The following TRIP12 variants were observed in gnomAD, a reference collection of about 807,000 sequenced individuals.
The protein encoded by TRIP12 is E3 ubiquitin-protein ligase TRIP12.
Under a neutral mutation model 244.2 loss-of-function variants are expected in TRIP12, and 25 were observed. That is an observed-to-expected ratio of 0.10 (90% CI 0.07 to 0.14). The LOEUF (loss-of-function observed/expected upper bound fraction) is 0.14. Among genes scored for constraint, TRIP12 ranks in the 10% least tolerant of loss-of-function variants. The probability of loss-of-function intolerance (pLI) is 1.00; values close to 1 mark genes in which losing one functional copy is unlikely to be tolerated. For missense variants in TRIP12, 1,677 were observed against 2,486.4 expected (o/e 0.67, Z 6.92); for synonymous variants, 905 against 873.1 (o/e 1.04, Z -0.64).
At chr2:229,920,620 C>CT (rs759431744) in intron 1 of TRIP12, among the ~76,000 whole-genome samples, 1 of 152,186 alleles carries the variant, frequency 6.6e-6, no homozygotes, top group Non-Finnish European at 1.5e-5. Context: ...CAACATTTGT[C>CT]TTAAGGGTTT....
chr2:229,787,002 G>A (rs1288848568), intron 33 of TRIP12, among the ~76,000 whole-genome samples: 1 of 152,192 alleles, frequency 6.6e-6, no homozygotes. Context: ...CAAATGTGGA[G>A]CCAAGATTAG....
At chr2:229,920,133 A>G (rs1307545554) in intron 1 of TRIP12, among the ~76,000 whole-genome samples, 1 of 152,058 alleles carries the variant, frequency 6.6e-6, no homozygotes, top group African/African-American at 2.4e-5. Context: ...TTCTAACACA[A>G]CTAGGACCTT....
chr2:229,822,359 G>C (rs190485347), intron 8 of TRIP12, among the ~76,000 whole-genome samples: 1 of 152,158 alleles, frequency 6.6e-6, no homozygotes, highest in Non-Finnish European at 1.5e-5. Context: ...CAAGATACTT[G>C]CCACATTTTG....
At chr2:229,871,808 C>T (rs1396797445) in intron 2 of TRIP12, among the ~76,000 whole-genome samples, 1 of 151,886 alleles carries the variant, frequency 6.6e-6, no homozygotes, top group Non-Finnish European at 1.5e-5. Flanking sequence ...TAATTATATG[C>T]AAATGAAAGT....
chr2:229,881,884 T>C (rs2154355090), intron 1 of TRIP12, among the ~76,000 whole-genome samples: 1 of 152,352 alleles, frequency 6.6e-6, no homozygotes. Flanking sequence ...GAGAAAGGAC[T>C]GGGGGATCCA....
At chr2:229,872,766 G>A (rs1223237858) in intron 2 of TRIP12, among the ~76,000 whole-genome samples, 1 of 152,124 alleles carries the variant, frequency 6.6e-6, no homozygotes, top group Non-Finnish European at 1.5e-5. Context: ...AAACTCTTAA[G>A]TATCCCTATA....
intron 1 of TRIP12, among the ~76,000 whole-genome samples, chr2:229,897,638 C>T (rs766100591): frequency 1.3e-5 from 2 of 152,244 alleles, no homozygotes; most frequent in Non-Finnish European, 2.9e-5. Context: ...CAGAGTGAGA[C>T]TCCGTCTCTA....
At chr2:229,850,707 G>A (rs2058493497) in intron 4 of TRIP12, among the ~76,000 whole-genome samples, 1 of 152,222 alleles carries the variant, frequency 6.6e-6, no homozygotes, top group Non-Finnish European at 1.5e-5. Context: ...AGCTTGCAGG[G>A]AGGTGTGGAG....
chr2:229,881,958 T>C (rs2064977776), intron 1 of TRIP12, among the ~76,000 whole-genome samples: 1 of 152,202 alleles, frequency 6.6e-6, no homozygotes, highest in South Asian at 2.1e-4. Flanking sequence ...TATAAGGAAT[T>C]AAACAGGCTG....
chr2:229,820,307 T>A (rs1340614521), intron 8 of TRIP12, among the ~76,000 whole-genome samples: 2 of 151,908 alleles, frequency 1.3e-5, no homozygotes, highest in African/African-American at 2.4e-5. Flanking sequence ...ATCAAAATTA[T>A]CATCAATACC....
At chr2:229,815,667 A>G (rs1408061949) in intron 9 of TRIP12, among the ~76,000 whole-genome samples, 2 of 152,034 alleles carry the variant, frequency 1.3e-5, no homozygotes, top group East Asian at 3.9e-4. Flanking sequence ...AATACTAGAT[A>G]CATAAATAAA....
intron 22 of TRIP12, 69 bp from the exon 23 acceptor site, chr2:229,799,118 A>T (rs1384327274): frequency 6.3e-7 from 1 of 1,579,870 alleles, no homozygotes. Context: ...CTGATTTTTA[A>T]GATTCACAGT....
chr2:229,806,819 A>G (rs1186681445), intron 17 of TRIP12, among the ~76,000 whole-genome samples: 1 of 152,198 alleles, frequency 6.6e-6, no homozygotes, highest in Admixed American at 6.5e-5. Flanking sequence ...AACGAACTAG[A>G]AGGCACCTTT....
intron 6 of TRIP12, among the ~76,000 whole-genome samples, chr2:229,834,553 A>G (rs1026001788): frequency 6.6e-6 from 1 of 152,172 alleles, no homozygotes; most frequent in African/African-American, 2.4e-5. Flanking sequence ...TGAGGTCAGG[A>G]GTTGGACAGC....
chr2:229,886,863 G>A (rs567411932), intron 1 of TRIP12, among the ~76,000 whole-genome samples: 6 of 152,262 alleles, frequency 3.9e-5, no homozygotes, highest in East Asian at 1.9e-4. Context: ...TATGGGTTAC[G>A]TGTATTCTGT....
At chr2:229,865,346 AAGAAAG>A (rs2061350626) in intron 2 of TRIP12, among the ~76,000 whole-genome samples, 8 of 33,642 alleles carry the variant, frequency 2.4e-4, no homozygotes, top group South Asian at 1.5e-3. Context: ...AAAAAAAAGA[AAGAAAG>A]AAAGCAAAAT....
intron 1 of TRIP12, among the ~76,000 whole-genome samples, chr2:229,889,782 T>C (rs1176017886): frequency 2.0e-5 from 3 of 152,256 alleles, no homozygotes; most frequent in Admixed American, 1.3e-4. Flanking sequence ...ATTAGGTGAT[T>C]ATGAAAAATG....
Position 229,810,928 on chromosome 2 carries a change from G to A in TRIP12, c.2173C>T (p.Leu725=), listed in dbSNP as rs1167820179. 6.2e-7 allele frequency: 1 copy of A among 1,614,076 alleles called. No homozygotes were observed. The highest frequency in any genetic ancestry group is 2.2e-5 in the East Asian group (1 of 44,852). The change falls in exon 15 of 42, where the codon CTG becomes TTG. Residue 725 remains leucine, a synonymous_variant. Coordinates refer to ENST00000675903, the MANE Select transcript of TRIP12 (RefSeq NM_001348323.3). ...AAAGTTGGACAGTTGGAACACATCAGAGAAAACATGCGAACCACCATTATA... is the reference window on the plus strand; with the variant it reads ...AAAGTTGGACAGTTGGAACACATCAAAGAAAACATGCGAACCACCATTATA... The part of the protein sequence containing the change: ...MFIMVVRMFS[L]MCSNCPTLAV...
At chr2:229,880,593 T>C (rs952348948) in intron 1 of TRIP12, among the ~76,000 whole-genome samples, 8 of 152,210 alleles carry the variant, frequency 5.3e-5, no homozygotes, top group African/African-American at 1.9e-4. Flanking sequence ...GAATTAACAA[T>C]GTATGTCATG....
Sources: allele counts gnomAD v4.1 joint callset (sites outside exome capture counted in the v4.1 genomes callset), GRCh38; gene constraint gnomAD v4.1.1; transcripts MANE v1.5; gene names NCBI Gene and HGNC (gene_info 2026-07-23, HGNC 2026-07-21).